FLT1: variants seen among roughly 807,000 people sequenced by gnomAD.
FLT1 encodes the protein fms related receptor tyrosine kinase 1, also known as vascular endothelial growth factor receptor 1.
FLT1 carries 49 observed loss-of-function variants against 156.3 expected under a neutral mutation model. The ratio of observed to expected loss-of-function variants is 0.31; its 90% CI spans 0.25 to 0.40. The LOEUF (loss-of-function observed/expected upper bound fraction) is 0.40. Among genes scored for constraint, FLT1 ranks in the 10% least tolerant of loss-of-function variants. FLT1 has a pLI of 1.00. For missense variants in FLT1, 1,322 were observed against 1,637.2 expected (o/e 0.81, Z 3.32); for synonymous variants, 594 against 583.8 (o/e 1.02, Z -0.25).
rs374287794 is a variant in FLT1, at chr13:28,303,544, G to A, written c.3816-176C>T. On this transcript the variant is annotated intron_variant, in intron 29 of 29. Transcript: ENST00000282397. The stretch of plus-strand genomic sequence containing the variant: ...TTTCCTCTGTTCTAAAGCTGCACAC[G>A]GCCTCCCTCTTAACAGCTTGGTGTC... 3.9e-4 allele frequency among the ~76,000 whole-genome samples: 57 copies of A among 144,888 alleles called. No homozygotes were observed. The South Asian group carries it at 0.013, about 33-fold the overall frequency.
intron 3 of FLT1, among the ~76,000 whole-genome samples, chr13:28,464,935 A>T (rs1414912967): frequency 6.6e-6 from 1 of 152,214 alleles, no homozygotes. Context: ...AAAATATTAG[A>T]ATGAATAAAT....
chr13:28,340,162 C>A (rs1375169004), intron 16 of FLT1, among the ~76,000 whole-genome samples: 3 of 151,646 alleles, frequency 2.0e-5, no homozygotes, highest in Admixed American at 6.6e-5. Context: ...TTGCAGTGAG[C>A]CAAGATGGCA....
At chr13:28,358,951 C>T (rs1873009687) in intron 14 of FLT1, among the ~76,000 whole-genome samples, 1 of 152,070 alleles carries the variant, frequency 6.6e-6, no homozygotes, top group Admixed American at 6.6e-5. Flanking sequence ...GAAACGGAAG[C>T]ATGAGAAATG....
At chr13:28,413,035 T>G (rs1876408281) in intron 10 of FLT1, among the ~76,000 whole-genome samples, 1 of 152,110 alleles carries the variant, frequency 6.6e-6, no homozygotes, top group Non-Finnish European at 1.5e-5. Flanking sequence ...GAGGAGTGAC[T>G]TTCTTGTGCA....
intron 10 of FLT1, among the ~76,000 whole-genome samples, chr13:28,412,686 G>A (rs1172383769): frequency 2.7e-5 from 4 of 149,634 alleles, no homozygotes; most frequent in East Asian, 2.0e-4. Flanking sequence ...CTCCCAAAGT[G>A]CTGGGGTTAC....
chr13:28,412,329 C>T (rs9513101), intron 10 of FLT1, among the ~76,000 whole-genome samples: 2,502 of 88,700 alleles, frequency 0.028, 125 homozygotes, highest in East Asian at 0.082. Context: ...TTCTTTCTTT[C>T]TTTTCTTTCT....
chr13:28,351,576 G>A (rs952322409), intron 15 of FLT1, among the ~76,000 whole-genome samples: 1 of 152,150 alleles, frequency 6.6e-6, no homozygotes, highest in Non-Finnish European at 1.5e-5. Flanking sequence ...TGTCGATGAA[G>A]TTTTTTAGGA....
intron 1 of FLT1, among the ~76,000 whole-genome samples, chr13:28,487,222 A>C (rs1299310003): frequency 4.6e-5 from 7 of 152,358 alleles, no homozygotes; most frequent in African/African-American, 1.4e-4. Flanking sequence ...AGATTATTCT[A>C]ATGTAGAGCC....
rs186677966 is a variant in FLT1, at chr13:28,319,628, G to A, written c.3175-94C>T. ...TGGGGTCACCTCCCAGATAACATAC[G>A]GCCTATAAATCATTTCCGAGAGCAG... On this transcript the variant is annotated intron_variant, in intron 23 of 29. Coordinates refer to ENST00000282397, the MANE Select transcript of FLT1 (RefSeq NM_002019.4). 9.5e-4 allele frequency: 703 copies of A among 739,658 alleles called. 8 individuals carry two copies. Among genetic ancestry groups the A allele is most frequent in the Admixed American group, 9.2e-3 (462 of 50,382 alleles). The allele number at this position is 739,658 out of a possible 1,614,324, so 45.8% of individuals were successfully genotyped here. A position where few individuals can be genotyped will look rare whatever the true frequency, so the allele number is the denominator to read the frequency against.
intron 16 of FLT1, among the ~76,000 whole-genome samples, chr13:28,345,166 A>C (rs1176155000): frequency 6.6e-6 from 1 of 152,128 alleles, no homozygotes; most frequent in African/African-American, 2.4e-5. Flanking sequence ...TCCCACACTG[A>C]CTTTAAAGAC....
At chr13:28,485,577 A>T (rs957140947) in intron 1 of FLT1, among the ~76,000 whole-genome samples, 3 of 152,204 alleles carry the variant, frequency 2.0e-5, no homozygotes, top group African/African-American at 7.2e-5. Flanking sequence ...ACTCCAGCTT[A>T]ATAGCTAGAC....
intron 29 of FLT1, 139 bp from the exon 30 acceptor site, chr13:28,303,507 A>G: frequency 1.4e-6 from 1 of 712,300 alleles, no homozygotes; most frequent in South Asian, 1.6e-5. Context: ...CCCCCCCTCA[A>G]TTGCTGTCAG....
intron 10 of FLT1, among the ~76,000 whole-genome samples, chr13:28,416,791 G>A (rs944199053): frequency 5.3e-5 from 8 of 152,042 alleles, no homozygotes; most frequent in South Asian, 2.1e-4. Context: ...CTCATCCTAC[G>A]TGTTCAAGTA....
At chr13:28,479,358 A>G (rs1880717146) in intron 1 of FLT1, among the ~76,000 whole-genome samples, 1 of 152,204 alleles carries the variant, frequency 6.6e-6, no homozygotes, top group African/African-American at 2.4e-5. Context: ...TTCATTACAC[A>G]TATTTTGGAG....
At chr13:28,347,703 C>A (rs1374465548) in intron 15 of FLT1, among the ~76,000 whole-genome samples, 1 of 152,182 alleles carries the variant, frequency 6.6e-6, no homozygotes, top group Non-Finnish European at 1.5e-5. Flanking sequence ...AAGCTGGAAA[C>A]CTGAGATAAC....
chr13:28,433,154 A>G (rs1479546788), intron 6 of FLT1, among the ~76,000 whole-genome samples: 2 of 152,204 alleles, frequency 1.3e-5, no homozygotes, highest in Non-Finnish European at 2.9e-5. Context: ...ACACACAAGA[A>G]ATGGGGGCTA....
intron 1 of FLT1, among the ~76,000 whole-genome samples, chr13:28,481,106 C>CG: frequency 6.6e-6 from 1 of 152,180 alleles, no homozygotes; most frequent in Non-Finnish European, 1.5e-5. Context: ...CCTAGTGACT[C>CG]GGGCTCTGTT....
chr13:28,475,422 A>T (rs1280731710), intron 1 of FLT1, among the ~76,000 whole-genome samples: 3 of 152,224 alleles, frequency 2.0e-5, no homozygotes, highest in Non-Finnish European at 4.4e-5. Context: ...TTATCTAAAT[A>T]GAGATCCCTA....
At chr13:28,430,847 G>A (rs1877634652) in intron 7 of FLT1, among the ~76,000 whole-genome samples, 1 of 151,936 alleles carries the variant, frequency 6.6e-6, no homozygotes, top group South Asian at 2.1e-4. Flanking sequence ...TTTCTGTTTT[G>A]TTTATACAGA....
Sources: gnomAD v4.1 joint callset for allele counts (sites outside exome capture counted in the v4.1 genomes callset) on GRCh38, gnomAD v4.1.1 for gene constraint, MANE v1.5 for transcripts, NCBI Gene and HGNC (gene_info 2026-07-23, HGNC 2026-07-21) for gene names.